UBAC2: variants seen among roughly 807,000 people sequenced by gnomAD.
UBAC2 encodes the protein UBA domain containing 2.
Under a neutral mutation model 44.0 loss-of-function variants are expected in UBAC2, and 26 were observed. That is an observed-to-expected ratio of 0.59 (90% CI 0.43 to 0.82). UBAC2 has a LOEUF of 0.82. Ranked by LOEUF, UBAC2 falls within the 40% of genes least tolerant of loss-of-function variation. The probability of loss-of-function intolerance (pLI) is 0.00; values close to 1 mark genes in which losing one functional copy is unlikely to be tolerated. For missense variants in UBAC2, 329 were observed against 419.4 expected (o/e 0.78, Z 1.88); for synonymous variants, 155 against 154.3 (o/e 1.00, Z -0.04).
intron 7 of UBAC2, among the ~76,000 whole-genome samples, chr13:99,362,924 G>A (rs1412224038): frequency 6.6e-6 from 1 of 152,102 alleles, no homozygotes; most frequent in Non-Finnish European, 1.5e-5. Flanking sequence ...TTTTCATTGT[G>A]ATTTATACTT....
At chr13:99,349,713 A>G (rs959459543) in intron 7 of UBAC2, among the ~76,000 whole-genome samples, 6 of 152,182 alleles carry the variant, frequency 3.9e-5, no homozygotes, top group Admixed American at 6.5e-5. Flanking sequence ...GACTTTTACT[A>G]TTTCTTCTAC....
At chr13:99,363,776 T>C (rs2045295906) in intron 7 of UBAC2, among the ~76,000 whole-genome samples, 1 of 152,188 alleles carries the variant, frequency 6.6e-6, no homozygotes, top group African/African-American at 2.4e-5. Flanking sequence ...AAAATGGATA[T>C]TGGAAGTGAA....
intron 4 of UBAC2, among the ~76,000 whole-genome samples, chr13:99,301,265 A>G (rs976350917): frequency 3.3e-5 from 5 of 152,304 alleles, no homozygotes; most frequent in East Asian, 1.9e-4. Flanking sequence ...TTCAGGTTCC[A>G]CCTGTGGAAC....
At chr13:99,232,424 A>ATATATATATATATATATATATATT (rs1446628804) in intron 1 of UBAC2, among the ~76,000 whole-genome samples, 2 of 142,780 alleles carry the variant, frequency 1.4e-5, no homozygotes, top group African/African-American at 2.6e-5. Flanking sequence ...ATATATATTC[A>ATATATATATATATATATATATATT]CACACACATA....
intron 4 of UBAC2, among the ~76,000 whole-genome samples, chr13:99,311,973 G>A (rs2044417109): frequency 6.6e-6 from 1 of 152,242 alleles, no homozygotes; most frequent in Non-Finnish European, 1.5e-5. Context: ...CTAGCCAGGT[G>A]TATCTCACAT....
chr13:99,202,270 T>C (rs892110407), intron 1 of UBAC2, among the ~76,000 whole-genome samples: 2 of 152,196 alleles, frequency 1.3e-5, no homozygotes, highest in African/African-American at 4.8e-5. Flanking sequence ...TAATTTGATT[T>C]ATGGCATCTT....
chr13:99,314,262 C>CTTTTTTTTT, intron 5 of UBAC2, 42 bp downstream of exon 5: 2 of 1,148,928 alleles, frequency 1.7e-6, no homozygotes, highest in African/African-American at 2.0e-5. Context: ...TTAACCAGAT[C>CTTTTTTTTT]TTTTTTTTTT....
chr13:99,356,612 C>T (rs2045187773), intron 7 of UBAC2, among the ~76,000 whole-genome samples: 1 of 152,184 alleles, frequency 6.6e-6, no homozygotes, highest in Non-Finnish European at 1.5e-5. Flanking sequence ...AAGCGATCAT[C>T]TCCTTTCCCT....
chr13:99,319,952 G>A (rs1185836835), intron 6 of UBAC2, among the ~76,000 whole-genome samples: 1 of 152,190 alleles, frequency 6.6e-6, no homozygotes, highest in Non-Finnish European at 1.5e-5. Flanking sequence ...AGCAGTAATG[G>A]TTTTGAGTTC....
intron 6 of UBAC2, among the ~76,000 whole-genome samples, chr13:99,329,687 A>G (rs2044688061): frequency 6.6e-6 from 1 of 152,186 alleles, no homozygotes. Flanking sequence ...CCTCCTGCCA[A>G]CAGTCAGCAC....
chr13:99,331,233 AT>A (rs2044712597), intron 6 of UBAC2, among the ~76,000 whole-genome samples: 1 of 151,670 alleles, frequency 6.6e-6, no homozygotes, highest in South Asian at 2.1e-4. Context: ...GTCCTTTCTT[AT>A]TTTTTTTCTT....
intron 4 of UBAC2, among the ~76,000 whole-genome samples, chr13:99,305,914 G>A (rs1324738249): frequency 6.7e-6 from 1 of 148,844 alleles, no homozygotes; most frequent in Non-Finnish European, 1.5e-5. Flanking sequence ...TTTATCTATC[G>A]AGACAGAGTC....
At chr13:99,254,982 G>T (rs759244925) in intron 4 of UBAC2, 2 of 1,613,976 alleles carry the variant, frequency 1.2e-6, no homozygotes, top group Non-Finnish European at 1.7e-6. Flanking sequence ...TGACACTAAT[G>T]ACTCGAGCCT....
chr13:99,328,436 G>T (rs1326235401), intron 6 of UBAC2, among the ~76,000 whole-genome samples: 3 of 152,148 alleles, frequency 2.0e-5, no homozygotes, highest in Non-Finnish European at 4.4e-5. Context: ...TTACAAAGTG[G>T]CTCTACCATT....
rs539987282 is a variant in UBAC2 at position 99,241,279 on chromosome 13, A to G, written c.160-2553A>G. On this transcript the variant is annotated intron_variant, in intron 2 of 8. Coordinates refer to ENST00000403766, the MANE Select transcript of UBAC2 (RefSeq NM_001144072.2). ...GACCCTGTCTCAAAAAAAAAAAAAA[A>G]AAAAGAAAAGAGTTACTATTACCAA... is the stretch of plus-strand genomic sequence containing the variant. 1.3e-4 allele frequency among the ~76,000 whole-genome samples: 19 copies of G among 151,496 alleles called. No homozygotes were observed. The South Asian group carries it at 2.1e-3, about 17-fold the overall frequency.
intron 4 of UBAC2, among the ~76,000 whole-genome samples, chr13:99,282,253 G>A (rs558371635): frequency 2.6e-5 from 4 of 152,250 alleles, no homozygotes; most frequent in African/African-American, 9.6e-5. Flanking sequence ...ATGATGGAGA[G>A]TCATGACATG....
At chr13:99,332,014 C>T (rs767710502) in intron 6 of UBAC2, among the ~76,000 whole-genome samples, 1 of 151,910 alleles carries the variant, frequency 6.6e-6, no homozygotes, top group Non-Finnish European at 1.5e-5. Flanking sequence ...TGCAAGGGGA[C>T]ATTTATTCCT....
intron 4 of UBAC2, among the ~76,000 whole-genome samples, chr13:99,276,135 C>G (rs1037456963): frequency 2.6e-5 from 4 of 152,156 alleles, no homozygotes; most frequent in African/African-American, 4.8e-5. Context: ...CAGCCATCTG[C>G]CAAGATGGGG....
intron 6 of UBAC2, among the ~76,000 whole-genome samples, chr13:99,328,637 A>G (rs1003904776): frequency 6.6e-6 from 1 of 152,076 alleles, no homozygotes; most frequent in African/African-American, 2.4e-5. Flanking sequence ...TCATTTTCAT[A>G]TCTTTTGTGA....
Sources: allele counts gnomAD v4.1 joint callset (sites outside exome capture counted in the v4.1 genomes callset), GRCh38; gene constraint gnomAD v4.1.1; transcripts MANE v1.5; gene names NCBI Gene and HGNC (gene_info 2026-07-23, HGNC 2026-07-21).